The following MMRN1 variants were observed in gnomAD, a reference collection of about 807,000 sequenced individuals.
The protein encoded by MMRN1 is multimerin-1.
MMRN1 carries 94 observed loss-of-function variants against 100.7 expected under a neutral mutation model. The observed-to-expected ratio is 0.93, with a 90% CI of 0.79 to 1.11. The LOEUF (loss-of-function observed/expected upper bound fraction) is 1.11. Among genes scored for constraint, MMRN1 ranks in the 50% least tolerant of loss-of-function variants. The probability of loss-of-function intolerance (pLI) is 0.00; values close to 1 mark genes in which losing one functional copy is unlikely to be tolerated. For missense variants in MMRN1, 1,606 were observed against 1,439.1 expected (o/e 1.12, Z -1.88); for synonymous variants, 575 against 505.0 (o/e 1.14, Z -1.86).
chr4:89,924,265 C>T lies in MMRN1; in HGVS notation c.955+993C>T, dbSNP rs184977520. On this transcript the variant is annotated intron_variant, in intron 4 of 7. Transcript: ENST00000264790. ...GAGCAAGTTATTTTGGATTTCTGCC[C>T]CTTTGTTTCTTTTTGAGAGTGTAAC... 2.6e-3 allele frequency among the ~76,000 whole-genome samples: 389 copies of T among 152,018 alleles called. 4 individuals carry two copies. Among genetic ancestry groups the T allele is most frequent in the African/African-American group, 8.7e-3 (359 of 41,452 alleles).
At chr4:89,932,976 T>G (rs1236321665) in intron 5 of MMRN1, among the ~76,000 whole-genome samples, 1 of 152,190 alleles carries the variant, frequency 6.6e-6, no homozygotes, top group Non-Finnish European at 1.5e-5. Flanking sequence ...CCTGCAAATT[T>G]TTGAACTTTT....
rs1723245248 is a variant in MMRN1 at position 89,953,311 on chromosome 4, G to T, written c.3580G>T (p.Glu1194Ter). 2 of 1,613,810 alleles carry T rather than the reference G, an allele frequency of 1.2e-6. No individual in the cohort carries two copies. The highest frequency in any genetic ancestry group is 1.7e-6 in the Non-Finnish European group (2 of 1,179,830). The change falls in exon 8 of 8, where the codon GAA (glutamate) becomes TAA (stop). Residue 1194 changes from glutamate to a stop codon, truncating the protein, a stop_gained. Coordinates refer to ENST00000264790, the MANE Select transcript of MMRN1 (RefSeq NM_007351.3). LOFTEE classifies it high-confidence loss of function. ...DRVLTGDALLELNYGQEVWLR... is the reference protein window; with the variant it reads ...DRVLTGDALL The stretch of plus-strand genomic sequence containing the variant: ...GGTTTTAACTGGGGATGCCTTATTA[G>T]AATTAAATTATGGGCAGGAAGTCTG...
intron 6 of MMRN1, among the ~76,000 whole-genome samples, chr4:89,943,178 G>A (rs751940481): frequency 6.6e-6 from 1 of 152,068 alleles, no homozygotes; most frequent in Non-Finnish European, 1.5e-5. Flanking sequence ...GCATATGATT[G>A]CATTTTCCAG....
intron 3 of MMRN1, among the ~76,000 whole-genome samples, chr4:89,918,154 T>G (rs1237346335): frequency 6.6e-6 from 1 of 150,998 alleles, no homozygotes; most frequent in African/African-American, 2.4e-5. Context: ...TCTATATATT[T>G]CAATTAATAT....
At chr4:89,884,834 C>T (rs749520639) in intron 1 of MMRN1, among the ~76,000 whole-genome samples, 67 of 152,250 alleles carry the variant, frequency 4.4e-4, no homozygotes, top group East Asian at 5.8e-4. Context: ...CAGCACTTTA[C>T]ATTTTCCTTT....
rs887808025 is a variant in MMRN1 at position 89,914,242 on chromosome 4, C to T, written c.850+2192C>T. Among the ~76,000 whole-genome samples, 3 of 151,416 alleles carry T rather than the reference C, an allele frequency of 2.0e-5. No homozygotes were observed. In the East Asian group the frequency reaches 5.8e-4, roughly 29 times the overall value. On this transcript the variant is annotated intron_variant, in intron 3 of 7. Transcript: ENST00000264790. Reference sequence around the variant, plus strand: ...TGTTTGCAATTGTACTTTTTTACTTCTTCTCCCCCACTTTTGTACCCTTCT... The same window carrying T: ...TGTTTGCAATTGTACTTTTTTACTTTTTCTCCCCCACTTTTGTACCCTTCT...
At chr4:89,916,253 A>T (rs140146267) in intron 3 of MMRN1, among the ~76,000 whole-genome samples, 1 of 151,724 alleles carries the variant, frequency 6.6e-6, no homozygotes, top group Non-Finnish European at 1.5e-5. Context: ...ACTCCATCCA[A>T]TGAATTCCGG....
At chr4:89,889,492 C>T (rs917522758) in intron 1 of MMRN1, among the ~76,000 whole-genome samples, 1 of 152,112 alleles carries the variant, frequency 6.6e-6, no homozygotes, top group South Asian at 2.1e-4. Flanking sequence ...GGTTTCAGTT[C>T]CCTGCCAGCC....
At chr4:89,911,866 A>T in intron 2 of MMRN1, 78 bp from the exon 3 acceptor site, 1 of 989,612 alleles carries the variant, frequency 1.0e-6, no homozygotes, top group Non-Finnish European at 1.5e-6. Flanking sequence ...TGCCCCAAAA[A>T]CTTTACATTT....
rs550922964 is a variant in MMRN1, at chr4:89,953,112, A to G, written c.3381A>G (p.Gly1127=). The G allele has an allele frequency of 2.0e-5, 32 of 1,613,822 alleles. 1 individual carries two copies. In the South Asian group the frequency reaches 3.3e-4, roughly 17 times the overall value. Residue 1127 remains glycine, a synonymous_variant, in exon 8 of 8, where the codon GGA becomes GGG. Coordinates refer to ENST00000264790, the MANE Select transcript of MMRN1 (RefSeq NM_007351.3). ...TTAATAACTTGGATGTCAATTATGG[A>G]GCTTCATATACCCCAAGAACTGGAA... ...ILFNNLDVNY[G]ASYTPRTGKF...
intron 1 of MMRN1, among the ~76,000 whole-genome samples, chr4:89,905,971 T>C (rs115444161): frequency 0.015 from 2,331 of 151,676 alleles, 35 homozygotes; most frequent in Middle Eastern, 0.061. Flanking sequence ...AGAACTAGTA[T>C]AACTGAATAA....
chr4:89,936,920 T>A, intron 6 of MMRN1, 122 bp downstream of exon 6: 1 of 854,558 alleles, frequency 1.2e-6, no homozygotes, highest in Non-Finnish European at 1.7e-6. Flanking sequence ...GGATAGATAG[T>A]CAAGTTGTGA....
intron 7 of MMRN1, among the ~76,000 whole-genome samples, chr4:89,952,507 C>T (rs1306362936): frequency 6.6e-6 from 1 of 152,046 alleles, no homozygotes; most frequent in East Asian, 1.9e-4. Flanking sequence ...CAGAAAATTG[C>T]CTTTGTCTAC....
chr4:89,942,047 G>T (rs923771216), intron 6 of MMRN1, among the ~76,000 whole-genome samples: 3 of 152,082 alleles, frequency 2.0e-5, no homozygotes, highest in African/African-American at 7.2e-5. Flanking sequence ...GGCTATCTAA[G>T]GTGCATAGTC....
intron 5 of MMRN1, among the ~76,000 whole-genome samples, chr4:89,934,201 C>T (rs554338928): frequency 2.0e-5 from 3 of 151,912 alleles, no homozygotes; most frequent in African/African-American, 4.8e-5. Flanking sequence ...TTCCTATTTT[C>T]GTTGGAGGAA....
At chr4:89,882,782 A>C (rs1460578621) in intron 1 of MMRN1, among the ~76,000 whole-genome samples, 1 of 151,974 alleles carries the variant, frequency 6.6e-6, no homozygotes, top group African/African-American at 2.4e-5. Flanking sequence ...ATACACATTA[A>C]AATGCACAGC....
chr4:89,889,478 A>T (rs983458028), intron 1 of MMRN1, among the ~76,000 whole-genome samples: 3 of 152,130 alleles, frequency 2.0e-5, no homozygotes, highest in Non-Finnish European at 4.4e-5. Flanking sequence ...ATCCCTGAGT[A>T]GTAGGTTTCA....
At chr4:89,918,050 T>A (rs1157535494) in intron 3 of MMRN1, among the ~76,000 whole-genome samples, 1 of 151,714 alleles carries the variant, frequency 6.6e-6, no homozygotes, top group Admixed American at 6.6e-5. Flanking sequence ...TTTAGTTTTG[T>A]CATATAAATT....
At chr4:89,900,485 G>T (rs1721349377) in intron 1 of MMRN1, among the ~76,000 whole-genome samples, 1 of 152,074 alleles carries the variant, frequency 6.6e-6, no homozygotes, top group African/African-American at 2.4e-5. Flanking sequence ...CCAATGTAAA[G>T]TTAACTATGC....
Sources: allele counts gnomAD v4.1 joint callset (sites outside exome capture counted in the v4.1 genomes callset), GRCh38; gene constraint gnomAD v4.1.1; transcripts MANE v1.5; gene names NCBI Gene and HGNC (gene_info 2026-07-23, HGNC 2026-07-21).